EXT1: variants seen among roughly 807,000 people sequenced by gnomAD.
EXT1 encodes exostosin glycosyltransferase 1, also known as exostosin-1.
In EXT1, 20 loss-of-function variants were observed where a neutral mutation model predicts 82.5. That is an observed-to-expected ratio of 0.24 (90% CI 0.17 to 0.35). The LOEUF (loss-of-function observed/expected upper bound fraction) is 0.35, where lower values mean the gene tolerates loss of function less well. Among genes scored for constraint, EXT1 ranks in the 10% least tolerant of loss-of-function variants. The probability of loss-of-function intolerance (pLI) is 1.00; values close to 1 mark genes in which losing one functional copy is unlikely to be tolerated. For missense variants in EXT1, 757 were observed against 936.5 expected (o/e 0.81, Z 2.50); for synonymous variants, 348 against 350.8 (o/e 0.99, Z 0.09).
intron 1 of EXT1, among the ~76,000 whole-genome samples, chr8:118,066,413 T>C (rs1242053972): frequency 6.6e-6 from 1 of 151,890 alleles, no homozygotes; most frequent in Non-Finnish European, 1.5e-5. Flanking sequence ...AGAGCTGGAG[T>C]GCAGTGGCAT....
At chr8:117,845,572 AT>A (rs1812343314) in intron 1 of EXT1, among the ~76,000 whole-genome samples, 1 of 151,714 alleles carries the variant, frequency 6.6e-6, no homozygotes, top group South Asian at 2.1e-4. Flanking sequence ...AAAAAAATAA[AT>A]AAAAGATAGC....
At chr8:117,878,662 A>G (rs1020106243) in intron 1 of EXT1, among the ~76,000 whole-genome samples, 14 of 152,172 alleles carry the variant, frequency 9.2e-5, no homozygotes, top group African/African-American at 1.4e-4. Flanking sequence ...AGAACAACCA[A>G]TCTCTGCAGA....
chr8:117,815,013 G>A (rs1811777242), intron 7 of EXT1, among the ~76,000 whole-genome samples: 1 of 152,200 alleles, frequency 6.6e-6, no homozygotes, highest in African/African-American at 2.4e-5. Flanking sequence ...CTACACATCT[G>A]TCAACTGGGT....
chr8:117,872,397 T>TA (rs879878821), intron 1 of EXT1, among the ~76,000 whole-genome samples: 467 of 145,538 alleles, frequency 3.2e-3, no homozygotes, highest in Non-Finnish European at 4.2e-3. Flanking sequence ...ACTTGTGGAT[T>TA]AAAAAAAAAA....
chr8:118,006,444 C>A (rs989649466), intron 1 of EXT1, among the ~76,000 whole-genome samples: 1 of 152,082 alleles, frequency 6.6e-6, no homozygotes, highest in Non-Finnish European at 1.5e-5. Context: ...CCTTTTAGAA[C>A]GTAACTTTCC....
intron 1 of EXT1, among the ~76,000 whole-genome samples, chr8:118,078,326 G>A (rs1479205570): frequency 6.6e-6 from 1 of 152,188 alleles, no homozygotes; most frequent in Non-Finnish European, 1.5e-5. Context: ...TGCTTCCCGA[G>A]TAGCTGGGAT....
Position 117,938,330 on chromosome 8 carries a change from C to T in EXT1, c.963-101129G>A, listed in dbSNP as rs1164680821. ...TACAAAAATTAGCTGGGCATGGTGG[C>T]GGGGACCTGTAATCCCAGCTACTCA... On this transcript the variant is annotated intron_variant, in intron 1 of 10. Transcript: ENST00000378204. Among the ~76,000 whole-genome samples the T allele has an allele frequency of 1.2e-4, 18 of 152,112 alleles. No individual in the cohort carries two copies. The South Asian group carries it at 1.7e-3, about 14-fold the overall frequency.
At position 118,084,993 on chromosome 8, in the gene EXT1, C is replaced by T. The variant is rs577764189; in HGVS notation, c.962+25092G>A. Among the ~76,000 whole-genome samples the T allele has an allele frequency of 5.3e-5, 8 of 152,288 alleles. No homozygotes were observed. The South Asian group carries it at 1.7e-3, about 32-fold the overall frequency. On this transcript the variant is annotated intron_variant, in intron 1 of 10. Transcript: ENST00000378204. ...GCCTTACACAATCCATATTGTATTA[C>T]AATAGATGTTTATGGAAGGAAATGG...
intron 1 of EXT1, among the ~76,000 whole-genome samples, chr8:117,927,138 C>A (rs574615143): frequency 9.8e-5 from 15 of 152,308 alleles, no homozygotes; most frequent in African/African-American, 3.6e-4. Context: ...ACAAACACTG[C>A]AAGTCTGTCA....
At chr8:118,064,146 G>A (rs1220781532) in intron 1 of EXT1, among the ~76,000 whole-genome samples, 1 of 152,164 alleles carries the variant, frequency 6.6e-6, no homozygotes, top group Non-Finnish European at 1.5e-5. Flanking sequence ...TTACAGGCGT[G>A]AGCCACCGCG....
intron 1 of EXT1, among the ~76,000 whole-genome samples, chr8:118,019,909 T>C (rs1816070736): frequency 6.6e-6 from 1 of 152,218 alleles, no homozygotes; most frequent in African/African-American, 2.4e-5. Flanking sequence ...ACCCATTGCA[T>C]GAGGAATGCT....
intron 1 of EXT1, among the ~76,000 whole-genome samples, chr8:118,055,087 T>C (rs964967901): frequency 6.6e-6 from 1 of 152,148 alleles, no homozygotes; most frequent in African/African-American, 2.4e-5. Context: ...ACTTCCAATA[T>C]TAAGTTAATA....
At chr8:117,923,812 T>C (rs983754414) in intron 1 of EXT1, among the ~76,000 whole-genome samples, 2 of 151,980 alleles carry the variant, frequency 1.3e-5, no homozygotes, top group African/African-American at 4.8e-5. Flanking sequence ...TAACACTCTC[T>C]GAATCAGCAC....
intron 1 of EXT1, among the ~76,000 whole-genome samples, chr8:118,034,287 A>G (rs1374713115): frequency 1.3e-5 from 2 of 152,172 alleles, no homozygotes; most frequent in Non-Finnish European, 2.9e-5. Context: ...CCAGAAGGGT[A>G]CCATCATTTT....
intron 1 of EXT1, among the ~76,000 whole-genome samples, chr8:117,882,471 C>T (rs1225161058): frequency 1.3e-5 from 2 of 152,144 alleles, no homozygotes; most frequent in African/African-American, 4.8e-5. Flanking sequence ...TTCCTCTTGC[C>T]TGTTAATGCC....
chr8:117,890,152 AC>A (rs1414036033), intron 1 of EXT1, among the ~76,000 whole-genome samples: 1 of 152,220 alleles, frequency 6.6e-6, no homozygotes, highest in Non-Finnish European at 1.5e-5. Flanking sequence ...TGACTTACAT[AC>A]AGTAGAGATT....
At chr8:117,918,578 T>C (rs1261653949) in intron 1 of EXT1, among the ~76,000 whole-genome samples, 1 of 152,246 alleles carries the variant, frequency 6.6e-6, no homozygotes, top group Non-Finnish European at 1.5e-5. Context: ...GTGTCTGTTT[T>C]AAGTGTGGCC....
intron 1 of EXT1, among the ~76,000 whole-genome samples, chr8:117,851,080 C>G (rs1267208440): frequency 6.6e-6 from 1 of 152,152 alleles, no homozygotes; most frequent in African/African-American, 2.4e-5. Flanking sequence ...GGATACTTTC[C>G]TATCTTATGC....
At position 117,983,418 on chromosome 8, in the gene EXT1, G is replaced by C. The variant is rs544065282; in HGVS notation, c.962+126667C>G. Among the ~76,000 whole-genome samples the C allele has an allele frequency of 4.6e-5, 7 of 152,192 alleles. No individual in the cohort carries two copies. The South Asian group carries it at 1.5e-3, about 32-fold the overall frequency. On this transcript the variant is annotated intron_variant, in intron 1 of 10. Coordinates refer to ENST00000378204, the MANE Select transcript of EXT1 (RefSeq NM_000127.3). ...AAGATTGCTTGAGCCCAGGAGGTTG[G>C]CGCTACAGTGAGCAGTGTTCACACC...
Sources: gnomAD v4.1 joint callset for allele counts (sites outside exome capture counted in the v4.1 genomes callset) on GRCh38, gnomAD v4.1.1 for gene constraint, MANE v1.5 for transcripts, NCBI Gene and HGNC (gene_info 2026-07-23, HGNC 2026-07-21) for gene names.